COQ5: variants seen among roughly 807,000 people sequenced by gnomAD.
COQ5 encodes 2-methoxy-6-polyprenyl-1,4-benzoquinol methylase, mitochondrial.
Under a neutral mutation model 40.5 loss-of-function variants are expected in COQ5, and 27 were observed. The observed-to-expected ratio is 0.67, with a 90% CI of 0.49 to 0.92. The LOEUF is 0.92. Among genes scored for constraint, COQ5 ranks in the 40% least tolerant of loss-of-function variants. The pLI, the probability that COQ5 is intolerant of heterozygous loss-of-function variation, is 0.00. For missense variants in COQ5, 409 were observed against 406.4 expected (o/e 1.01, Z -0.06); for synonymous variants, 141 against 150.0 (o/e 0.94, Z 0.44).
At chr12:120,504,593 AG>A (rs1392186733) in intron 5 of COQ5, 2 of 343,980 alleles carry the variant, frequency 5.8e-6, no homozygotes, top group Non-Finnish European at 1.1e-5. Flanking sequence ...AATTTATCAG[AG>A]GGGGGTTGAG....
chr12:120,523,034 T>TAA (rs71076626), intron 1 of COQ5: 41 of 439,444 alleles, frequency 9.3e-5, no homozygotes, highest in Middle Eastern at 4.0e-4. Context: ...GAGATTCTTA[T>TAA]AAAAAAAAAA....
chr12:120,513,234 T>C (rs1456981640), intron 3 of COQ5, among the ~76,000 whole-genome samples: 1 of 145,674 alleles, frequency 6.9e-6, no homozygotes, highest in Non-Finnish European at 1.5e-5. Context: ...CCAGGTGCAG[T>C]GGCTCACACC....
chr12:120,526,373 A>T (rs1389339610), intron 1 of COQ5: 3 of 416,152 alleles, frequency 7.2e-6, no homozygotes, highest in Non-Finnish European at 1.4e-5. Context: ...TAGGAGAAAT[A>T]GATGACTGTG....
At chr12:120,521,229 C>T (rs1869633016) in intron 2 of COQ5, among the ~76,000 whole-genome samples, 1 of 150,908 alleles carries the variant, frequency 6.6e-6, no homozygotes, top group Non-Finnish European at 1.5e-5. Flanking sequence ...ACCACACTGG[C>T]TTTTTTTTTG....
At chr12:120,506,441 A>C (rs1337961949) in intron 4 of COQ5, among the ~76,000 whole-genome samples, 1 of 151,302 alleles carries the variant, frequency 6.6e-6, no homozygotes, top group Non-Finnish European at 1.5e-5. Flanking sequence ...ATCTCAGCTC[A>C]CTGCAACCTC....
intron 1 of COQ5, among the ~76,000 whole-genome samples, chr12:120,524,512 G>A (rs988256645): frequency 8.6e-5 from 13 of 151,988 alleles, no homozygotes; most frequent in Admixed American, 2.6e-4. Context: ...CGCCCGCCTC[G>A]GCCTCCCAAA....
intron 3 of COQ5, among the ~76,000 whole-genome samples, chr12:120,515,768 C>A (rs73225219): frequency 0.047 from 7,205 of 152,196 alleles, 278 homozygotes; most frequent in South Asian, 0.1. Context: ...AATATCCAGG[C>A]CCTAGTAGTC....
chr12:120,528,923 C>A lies in COQ5; in HGVS notation c.202+17G>T. 6.2e-7 allele frequency: 1 copy of A among 1,612,682 alleles called. No homozygotes were observed. Among genetic ancestry groups the A allele is most frequent in the Non-Finnish European group, 8.5e-7 (1 of 1,178,638 alleles). On this transcript the variant is annotated intron_variant, in intron 1 of 6. Transcript: ENST00000288532. The stretch of plus-strand genomic sequence containing the variant: ...GGACGGTCAGATCCCTCCCATCCGC[C>A]CTCTCGCCCCTTTCACCTTTGCCCC...
intron 1 of COQ5, among the ~76,000 whole-genome samples, chr12:120,526,032 C>T (rs964088134): frequency 6.6e-6 from 1 of 152,208 alleles, no homozygotes; most frequent in Non-Finnish European, 1.5e-5. Context: ...CAACACCAGT[C>T]ACCCAATACC....
intron 2 of COQ5, among the ~76,000 whole-genome samples, chr12:120,520,621 G>C (rs551575019): frequency 6.6e-6 from 1 of 151,618 alleles, no homozygotes; most frequent in Non-Finnish European, 1.5e-5. Context: ...ACCACACCCC[G>C]CCATCGCCCA....
chr12:120,522,140 T>C, intron 2 of COQ5, 74 bp downstream of exon 2: 1 of 1,504,502 alleles, frequency 6.6e-7, no homozygotes, highest in Non-Finnish European at 9.2e-7. Context: ...TTAGGTGAGC[T>C]AGCTCATTAC....
rs780636297 is a variant in COQ5, at chr12:120,522,242, G to A, written c.324C>T (p.Thr108=). Residue 108 remains threonine (T), a synonymous_variant, in exon 2 of 7, where the codon ACC becomes ACT. Transcript: ENST00000288532. The part of the protein sequence containing the change: ...LLWKMHPLPG[T]QLLDVAGGTG... ...TGCCTCCAGCAACATCAAGCAGCTG[G>A]GTCCCAGGAAGCGGGTGCATCTTCC... 1.9e-6 allele frequency: 3 copies of A among 1,613,984 alleles called. No homozygotes were observed. The highest frequency in any genetic ancestry group is 2.5e-6 in the Non-Finnish European group (3 of 1,180,016).
chr12:120,524,265 AT>A (rs941136816), intron 1 of COQ5, among the ~76,000 whole-genome samples: 174 of 144,898 alleles, frequency 1.2e-3, no homozygotes, highest in East Asian at 2.0e-3. Flanking sequence ...TTAAAGTTAC[AT>A]TTTTTTTTTT....
intron 1 of COQ5, 41 bp downstream of exon 1, chr12:120,528,899 G>T: frequency 6.4e-7 from 1 of 1,570,660 alleles, no homozygotes; most frequent in Non-Finnish European, 8.8e-7. Flanking sequence ...CCAGACCATG[G>T]ACGGTCAGAT....
In COQ5 at chr12:120,516,585, C is replaced by T; in HGVS notation, c.556G>A (p.Ala186Thr). 6.2e-7 allele frequency: 1 copy of T among 1,614,046 alleles called. No individual in the cohort carries two copies. Among genetic ancestry groups the T allele is most frequent in the Non-Finnish European group, 8.5e-7 (1 of 1,179,940 alleles). Residue 186 changes from alanine to threonine, a missense_variant, in exon 3 of 7, where the codon GCT becomes ACT. By Grantham distance (58) the Ala-to-Thr change is moderately conservative. Coordinates refer to ENST00000288532, the MANE Select transcript of COQ5 (RefSeq NM_032314.4). The part of the protein sequence containing the change: ...MLKVGKQKAL[A>T]QGYRAGLAWV... The stretch of plus-strand genomic sequence containing the variant: ...GACTCACCAGCTCTGTATCCTTGAG[C>T]CAAGGCTTTCTGCTTTCCAACCTTT...
At chr12:120,517,283 C>CAA (rs998526905) in intron 2 of COQ5, among the ~76,000 whole-genome samples, 2 of 151,954 alleles carry the variant, frequency 1.3e-5, no homozygotes, top group African/African-American at 4.8e-5. Flanking sequence ...ACCTGGGAAA[C>CAA]AGATGTTGCA....
In COQ5 at chr12:120,516,649, C is replaced by A. The variant is rs866127066; in HGVS notation, c.492G>T (p.Gly164=). 3 of 1,614,198 alleles carry A rather than the reference C, an allele frequency of 1.9e-6. No homozygotes were observed. Among genetic ancestry groups the A allele is most frequent in the Middle Eastern group, 1.6e-4 (1 of 6,062 alleles). ...EYQNEEDSLG[G]SRVVVCDINK... ...TGATGTCACACACCACGACACGAGA[C>A]CCGCCCAAGGAATCTTCTTCATTCT... The change falls in exon 3 of 7, where the codon GGG becomes GGT. Residue 164 remains glycine, a synonymous_variant. Transcript: ENST00000288532.
intron 3 of COQ5, among the ~76,000 whole-genome samples, chr12:120,510,855 T>C (rs532402138): frequency 6.6e-6 from 1 of 152,274 alleles, no homozygotes; most frequent in Admixed American, 6.5e-5. Context: ...GATTAGACTT[T>C]AACATTATAC....
intron 3 of COQ5, among the ~76,000 whole-genome samples, chr12:120,513,043 A>G (rs1021891237): frequency 6.7e-6 from 1 of 150,340 alleles, no homozygotes; most frequent in Non-Finnish European, 1.5e-5. Context: ...GAGGTGATCC[A>G]CCTGCCTCGG....
Sources: gnomAD v4.1 joint callset for allele counts (sites outside exome capture counted in the v4.1 genomes callset) on GRCh38, gnomAD v4.1.1 for gene constraint, MANE v1.5 for transcripts, NCBI Gene and HGNC (gene_info 2026-07-23, HGNC 2026-07-21) for gene names.